Variants in OSBP2 observed in about 807,000 individuals in gnomAD.
OSBP2 encodes the protein oxysterol binding protein 2.
In OSBP2, 66 loss-of-function variants were observed where a neutral mutation model predicts 96.0. The ratio of observed to expected loss-of-function variants is 0.69; its 90% CI spans 0.56 to 0.84. The LOEUF (loss-of-function observed/expected upper bound fraction) is 0.84. OSBP2 is among the 40% of genes least tolerant of loss of function. The pLI is 0.00. For missense variants in OSBP2, 1,038 were observed against 1,222.7 expected (o/e 0.85, Z 2.25); for synonymous variants, 525 against 520.9 (o/e 1.01, Z -0.11).
At chr22:30,852,654 C>G (rs1783333947) in intron 2 of OSBP2, among the ~76,000 whole-genome samples, 1 of 151,980 alleles carries the variant, frequency 6.6e-6, no homozygotes, top group African/African-American at 2.4e-5. Context: ...GCTTTTATCT[C>G]TATTTTATTC....
chr22:30,883,329 T>C (rs2039740303), intron 3 of OSBP2, among the ~76,000 whole-genome samples: 1 of 152,238 alleles, frequency 6.6e-6, no homozygotes, highest in African/African-American at 2.4e-5. Context: ...CACCCTGTAC[T>C]GACCCGATTA....
At chr22:30,860,404 GA>G (rs2039186742) in intron 2 of OSBP2, among the ~76,000 whole-genome samples, 1 of 152,206 alleles carries the variant, frequency 6.6e-6, no homozygotes, top group Admixed American at 6.5e-5. Flanking sequence ...AACCACAGGG[GA>G]TCAGAGGAGG....
chr22:30,760,359 C>T lies in OSBP2; in HGVS notation c.853+18990C>T, dbSNP rs915556530. ...AAGATAGTGTAAGAAAAGAAAACTTCGGACCAATATTTCTCATGAGCATAG... is the reference window on the plus strand; with the variant it reads ...AAGATAGTGTAAGAAAAGAAAACTTTGGACCAATATTTCTCATGAGCATAG... On this transcript the variant is annotated intron_variant, in intron 2 of 13. Transcript: ENST00000332585. Among the ~76,000 whole-genome samples, 78 of 152,234 alleles carry T rather than the reference C, an allele frequency of 5.1e-4. 1 individual carries two copies. The highest frequency in any genetic ancestry group is 6.5e-4 in the Non-Finnish European group (44 of 68,006).
chr22:30,904,953 T>A (rs1323115271), intron 12 of OSBP2, among the ~76,000 whole-genome samples: 2 of 151,916 alleles, frequency 1.3e-5, no homozygotes, highest in African/African-American at 4.8e-5. Context: ...CTGGCCAACA[T>A]GACAAAACCC....
chr22:30,774,258 C>T (rs1359828505), intron 2 of OSBP2, among the ~76,000 whole-genome samples: 1 of 152,238 alleles, frequency 6.6e-6, no homozygotes, highest in African/African-American at 2.4e-5. Flanking sequence ...CCCTAGCCTA[C>T]CTGACATCCA....
chr22:30,876,062 C>G (rs2039572166), intron 3 of OSBP2, among the ~76,000 whole-genome samples: 1 of 152,264 alleles, frequency 6.6e-6, no homozygotes, highest in Non-Finnish European at 1.5e-5. Flanking sequence ...GAGGCAGATT[C>G]CTGTCCAGCT....
chr22:30,755,304 G>C (rs1386206266), intron 2 of OSBP2, among the ~76,000 whole-genome samples: 1 of 152,182 alleles, frequency 6.6e-6, no homozygotes, highest in African/African-American at 2.4e-5. Context: ...CCACAGATCA[G>C]GAGACTTCCC....
chr22:30,750,370 T>C (rs1286910266), intron 2 of OSBP2, among the ~76,000 whole-genome samples: 1 of 152,214 alleles, frequency 6.6e-6, no homozygotes, highest in Non-Finnish European at 1.5e-5. Context: ...AAATGCAAAG[T>C]GTGTTGCACT....
At chr22:30,855,827 G>A (rs2039067123) in intron 2 of OSBP2, among the ~76,000 whole-genome samples, 3 of 152,218 alleles carry the variant, frequency 2.0e-5, no homozygotes, top group South Asian at 4.1e-4. Context: ...CAAAGTTGTT[G>A]GACCTCTGCA....
chr22:30,896,124 A>G (rs1439347770), intron 12 of OSBP2, among the ~76,000 whole-genome samples: 1 of 151,744 alleles, frequency 6.6e-6, no homozygotes, highest in African/African-American at 2.4e-5. Context: ...GGTTCAAGCG[A>G]TTCTCCTGTC....
At chr22:30,873,312 C>T (rs2039498750) in intron 3 of OSBP2, among the ~76,000 whole-genome samples, 1 of 152,138 alleles carries the variant, frequency 6.6e-6, no homozygotes, top group Non-Finnish European at 1.5e-5. Flanking sequence ...TGGCTACACA[C>T]CAAGGCCAGG....
At chr22:30,865,526 G>A (rs1261204027) in intron 2 of OSBP2, among the ~76,000 whole-genome samples, 1 of 151,486 alleles carries the variant, frequency 6.6e-6, no homozygotes, top group African/African-American at 2.4e-5. Flanking sequence ...CAGCTACTCG[G>A]GAGGCTGAGG....
At chr22:30,902,126 G>GAAAAAAAAAAAAAAAAAAAAAAAAACAA (rs35391426) in intron 12 of OSBP2, 2 of 115,888 alleles carry the variant, frequency 1.7e-5, no homozygotes, top group African/African-American at 1.4e-4. Context: ...AAAAAAAAAC[G>GAAAAAAAAAAAAAAAAAAAAAAAAACAA]AAAAAAAAAA....
In OSBP2 at chr22:30,760,511, C is replaced by T. The variant is rs78380201; in HGVS notation, c.853+19142C>T. Among the ~76,000 whole-genome samples the T allele has an allele frequency of 6.5e-3, 985 of 152,156 alleles. 10 individuals carry two copies. Among genetic ancestry groups the T allele is most frequent in the African/African-American group, 0.022 (932 of 41,524 alleles). On this transcript the variant is annotated intron_variant, in intron 2 of 13. Transcript: ENST00000332585. The stretch of plus-strand genomic sequence containing the variant: ...TGCAAGATAGGTGCAAGATAGGTTC[C>T]ATGTTTGAAAATCAATAAATGGGGC...
rs1322751717 is a variant in OSBP2, at chr22:30,890,252, G to A, written c.1624-476G>A. On this transcript the variant is annotated intron_variant, in intron 7 of 13. Coordinates refer to ENST00000332585, the MANE Select transcript of OSBP2 (RefSeq NM_030758.4). This position sits in a 1 kb window ranked among gnomAD's most constrained non-coding sequence, Gnocchi z 4.4. ...GACTCGTACCCGATGGCATCATGGT[G>A]GGGAGAGTGACCCTGCCCTATGTGA... Among the ~76,000 whole-genome samples, 1 of 152,118 alleles carries A rather than the reference G, an allele frequency of 6.6e-6. No homozygotes were observed. The highest frequency in any genetic ancestry group is 1.5e-5 in the Non-Finnish European group (1 of 68,010).
At chr22:30,799,222 G>C (rs1009533280) in intron 2 of OSBP2, among the ~76,000 whole-genome samples, 1 of 151,554 alleles carries the variant, frequency 6.6e-6, no homozygotes, top group Non-Finnish European at 1.5e-5. Context: ...CCATCCTCCT[G>C]CCTCAGCCTC....
At chr22:30,860,711 G>T (rs571483149) in intron 2 of OSBP2, among the ~76,000 whole-genome samples, 1 of 152,346 alleles carries the variant, frequency 6.6e-6, no homozygotes, top group South Asian at 2.1e-4. Flanking sequence ...TCTAGGGCAG[G>T]CACCCTCATT....
intron 2 of OSBP2, among the ~76,000 whole-genome samples, chr22:30,844,963 G>C (rs1050507034): frequency 1.3e-5 from 2 of 152,212 alleles, no homozygotes; most frequent in Non-Finnish European, 2.9e-5. Context: ...TCAGGAAAGG[G>C]AGGCTCAAGA....
chr22:30,890,738 A>G lies in OSBP2; in HGVS notation c.1634A>G (p.Asn545Ser), dbSNP rs201627938. The change falls in exon 8 of 14, where the codon AAT (asparagine) becomes AGT (serine). Residue 545 changes from asparagine (N) to serine (S), a missense_variant. Around this residue, in one of 3 missense-constraint regions of OSBP2, gnomAD observed 737 missense variants for 913.3 expected, o/e 0.81. Coordinates refer to ENST00000332585, the MANE Select transcript of OSBP2 (RefSeq NM_030758.4). The surrounding 1 kb of genome is among the most constrained non-coding windows in gnomAD (Gnocchi z 4.4). ...LSRIPMPVNF[N>S]EPLSMLQRLT... is the part of the protein sequence containing the mutation. Reference sequence around the variant, plus strand: ...CCTGTCCACCCACAGGTGAACTTCAATGAGCCCCTGTCCATGCTCCAGCGG... The same window carrying G: ...CCTGTCCACCCACAGGTGAACTTCAGTGAGCCCCTGTCCATGCTCCAGCGG... 3.2e-5 allele frequency: 52 copies of G among 1,612,538 alleles called. No individual in the cohort carries two copies. Among genetic ancestry groups the G allele is most frequent in the African/African-American group, 4.0e-5 (3 of 75,050 alleles).
Sources: gnomAD v4.1 joint callset for allele counts (sites outside exome capture counted in the v4.1 genomes callset) on GRCh38, gnomAD v4.1.1 for gene constraint, gnomAD v4.1.1 regional missense constraint, Gnocchi (gnomAD v3.1) non-coding constraint, MANE v1.5 for transcripts, NCBI Gene and HGNC (gene_info 2026-07-23, HGNC 2026-07-21) for gene names.